The following VPS50 variants were observed in gnomAD, a reference collection of about 807,000 sequenced individuals.
VPS50 encodes syndetin.
A neutral mutation model predicts 139.7 loss-of-function variants in VPS50; 70 were observed. The observed-to-expected ratio is 0.50, with a 90% confidence interval of 0.41 to 0.61. The LOEUF is 0.61. Among genes scored for constraint, VPS50 ranks in the 20% least tolerant of loss-of-function variants. The pLI is 0.00. For missense variants in VPS50, 921 were observed against 1,133.7 expected (o/e 0.81, Z 2.69); for synonymous variants, 365 against 376.7 (o/e 0.97, Z 0.36).
rs948609422 is a variant in VPS50, at chr7:93,358,775, T to C, written c.*339T>C. On this transcript the variant is annotated 3_prime_UTR_variant, in exon 28 of 28. Coordinates refer to ENST00000305866, the MANE Select transcript of VPS50 (RefSeq NM_017667.4). ...GCTTAATATATGTATGGGAAGTTTA[T>C]GGAAAATGAAGTTGGCACTTTTCTA... is the stretch of plus-strand genomic sequence containing the variant. The C allele has an allele frequency of 2.3e-5, 4 of 172,506 alleles. No individual in the cohort carries two copies. The highest frequency in any genetic ancestry group is 2.5e-5 in the Non-Finnish European group (2 of 79,786). The allele number at this position is 172,506 out of a possible 1,614,324, so 10.7% of individuals were successfully genotyped here. A position where few individuals can be genotyped will look rare whatever the true frequency, so the allele number is the denominator to read the frequency against.
intron 24 of VPS50, 36 bp downstream of exon 24, chr7:93,348,843 G>A (rs1293587746): frequency 7.5e-6 from 10 of 1,333,892 alleles, no homozygotes; most frequent in African/African-American, 2.9e-5. Flanking sequence ...TCAACTGTGA[G>A]GAAGATAGGA....
intron 22 of VPS50, among the ~76,000 whole-genome samples, chr7:93,339,818 G>A (rs1255269378): frequency 1.3e-5 from 2 of 152,038 alleles, no homozygotes; most frequent in Non-Finnish European, 2.9e-5. Flanking sequence ...CTTGTATTCA[G>A]ATTAACTTTA....
At chr7:93,352,005 C>G (rs1183617256) in intron 25 of VPS50, among the ~76,000 whole-genome samples, 1 of 152,072 alleles carries the variant, frequency 6.6e-6, no homozygotes, top group African/African-American at 2.4e-5. Context: ...TGTTACTTTT[C>G]TAAGTCTAAG....
At chr7:93,259,450 C>T in intron 8 of VPS50, 100 bp from the exon 9 acceptor site, 1 of 583,452 alleles carries the variant, frequency 1.7e-6, no homozygotes, top group Non-Finnish European at 3.1e-6. Context: ...TTTTTTGATT[C>T]TGTAACTTTT....
At chr7:93,311,122 T>C (rs2116989023) in intron 19 of VPS50, 44 bp from the exon 20 acceptor site, 1 of 849,470 alleles carries the variant, frequency 1.2e-6, no homozygotes, top group Admixed American at 1.7e-5. Flanking sequence ...ATTGGTTTAT[T>C]ACTTGACAAC....
intron 20 of VPS50, among the ~76,000 whole-genome samples, chr7:93,321,935 T>A (rs1045964489): frequency 1.3e-5 from 2 of 152,244 alleles, no homozygotes; most frequent in Non-Finnish European, 2.9e-5. Context: ...AGTAACCGTA[T>A]GTTTTGTAGC....
chr7:93,256,487 G>A (rs1325214095), intron 4 of VPS50, 22 bp from the exon 5 acceptor site: 5 of 1,201,732 alleles, frequency 4.2e-6, no homozygotes, highest in Non-Finnish European at 5.8e-6. Flanking sequence ...TATTTCCTTT[G>A]TTTGATTACA....
In VPS50 at chr7:93,308,884, C is replaced by T; in HGVS notation, c.1690C>T (p.Pro564Ser). 1.9e-6 allele frequency: 3 copies of T among 1,608,654 alleles called. No individual in the cohort carries two copies. The highest frequency in any genetic ancestry group is 2.6e-6 in the Non-Finnish European group (3 of 1,175,858). ...YQEYDSDSDVPEELKRDYVDE... is the reference protein window; with the variant it reads ...YQEYDSDSDVSEELKRDYVDE... ...AGAGTATGACAGTGACAGTGATGTT[C>T]CTGAGGAACTCAAACGAGACTATGT... Residue 564 changes from proline (P) to serine (S), a missense_variant, in exon 19 of 28, where the codon CCT becomes TCT. By Grantham distance (74) the Pro-to-Ser change is moderately conservative. Transcript: ENST00000305866.
In VPS50 at chr7:93,353,345, T is replaced by C. The variant is rs542593394; in HGVS notation, c.2464-295T>C. ...CTCTATTCATCTGTACTGACAACCA[T>C]AGAAAATTTTGAGATATTGGACATT... On this transcript the variant is annotated intron_variant, in intron 25 of 27. Transcript: ENST00000305866. Among the ~76,000 whole-genome samples, 11 of 152,306 alleles carry C rather than the reference T, an allele frequency of 7.2e-5. No individual in the cohort carries two copies. In the East Asian group the frequency reaches 1.5e-3, roughly 21 times the overall value.
At chr7:93,261,076 TAGAG>T (rs1340574858) in intron 9 of VPS50, among the ~76,000 whole-genome samples, 2 of 152,196 alleles carry the variant, frequency 1.3e-5, no homozygotes, top group African/African-American at 4.8e-5. Flanking sequence ...GTTAAATAAA[TAGAG>T]AATTAGTTTT....
intron 17 of VPS50, among the ~76,000 whole-genome samples, chr7:93,304,857 C>A: frequency 6.6e-6 from 1 of 151,512 alleles, no homozygotes; most frequent in East Asian, 1.9e-4. Context: ...ATATTCACTC[C>A]TTATTTAGAA....
chr7:93,349,236 A>G (rs1452381172), intron 24 of VPS50, among the ~76,000 whole-genome samples: 1 of 152,140 alleles, frequency 6.6e-6, no homozygotes, highest in African/African-American at 2.4e-5. Flanking sequence ...ATGTCTGAAG[A>G]CCTGCAGGTG....
chr7:93,297,445 A>G (rs1031657699), intron 16 of VPS50, among the ~76,000 whole-genome samples: 4 of 152,132 alleles, frequency 2.6e-5, no homozygotes, highest in Admixed American at 6.6e-5. Context: ...ACATTTTAAT[A>G]TATTTTTGTC....
intron 18 of VPS50, among the ~76,000 whole-genome samples, chr7:93,306,439 C>G (rs1350613389): frequency 6.6e-6 from 1 of 151,834 alleles, no homozygotes; most frequent in African/African-American, 2.4e-5. Context: ...TAATGTCTTG[C>G]ATAGTTGCCT....
At chr7:93,255,460 C>T (rs549891534) in intron 4 of VPS50, among the ~76,000 whole-genome samples, 6 of 152,264 alleles carry the variant, frequency 3.9e-5, no homozygotes, top group East Asian at 3.9e-4. Context: ...GATGAAGCTT[C>T]GCTTGCTCAC....
intron 8 of VPS50, among the ~76,000 whole-genome samples, chr7:93,259,250 T>C (rs1395797235): frequency 6.6e-6 from 1 of 152,052 alleles, no homozygotes; most frequent in African/African-American, 2.4e-5. Context: ...AAGAAAACCT[T>C]TCCTGTGAAG....
At chr7:93,339,520 T>C in intron 22 of VPS50, among the ~76,000 whole-genome samples, 1 of 152,244 alleles carries the variant, frequency 6.6e-6, no homozygotes, top group Non-Finnish European at 1.5e-5. Context: ...TCTAGCTTTA[T>C]ATTTTGTACA....
Position 93,291,861 on chromosome 7 carries a change from T to A in VPS50, c.1075+26T>A, listed in dbSNP as rs1230635882. 2.1e-5 allele frequency: 31 copies of A among 1,497,750 alleles called. No homozygotes were observed. The East Asian group carries it at 7.3e-4, about 35-fold the overall frequency. The allele number at this position is 1,497,750 out of a possible 1,614,324, so 92.8% of individuals were successfully genotyped here. On this transcript the variant is annotated intron_variant, in intron 13 of 27. Transcript: ENST00000305866. Reference sequence around the variant, plus strand: ...GTAGGAAAATATTTTTATTTTATTTTAAAAATTGAACTATAAATATCCCAC... The same window carrying A: ...GTAGGAAAATATTTTTATTTTATTTAAAAAATTGAACTATAAATATCCCAC...
intron 2 of VPS50, among the ~76,000 whole-genome samples, chr7:93,245,241 C>A (rs965567098): frequency 2.0e-5 from 3 of 151,352 alleles, no homozygotes; most frequent in Non-Finnish European, 3.0e-5. Context: ...GACAAGGATA[C>A]TGATTAAGAA....
Sources: allele counts gnomAD v4.1 joint callset (sites outside exome capture counted in the v4.1 genomes callset), GRCh38; gene constraint gnomAD v4.1.1; transcripts MANE v1.5; gene names NCBI Gene and HGNC (gene_info 2026-07-23, HGNC 2026-07-21).